Variants in SCAP observed in about 807,000 individuals in gnomAD.
SCAP encodes sterol regulatory element-binding protein cleavage-activating protein.
Under a neutral mutation model 123.6 loss-of-function variants are expected in SCAP, and 65 were observed. The ratio of observed to expected loss-of-function variants is 0.53; its 90% CI spans 0.43 to 0.65. SCAP has a LOEUF of 0.65. Ranked by LOEUF, SCAP falls within the 30% of genes least tolerant of loss-of-function variation. SCAP has a pLI of 0.00. For missense variants in SCAP, 1,398 were observed against 1,712.5 expected (o/e 0.82, Z 3.24); for synonymous variants, 740 against 726.3 (o/e 1.02, Z -0.30).
chr3:47,460,474 T>C (rs1317493363), intron 1 of SCAP, among the ~76,000 whole-genome samples: 3 of 152,246 alleles, frequency 2.0e-5, no homozygotes, highest in Non-Finnish European at 4.4e-5. Context: ...TTTATGTTCC[T>C]CTGCCGCGGC....
intron 18 of SCAP, 48 bp from the exon 19 acceptor site, chr3:47,415,228 C>G: frequency 1.3e-6 from 2 of 1,518,694 alleles, no homozygotes; most frequent in Non-Finnish European, 1.8e-6. Flanking sequence ...AGAGCCCCAG[C>G]CCTGGGGCTG....
At chr3:47,449,027 C>T (rs1389905831) in intron 1 of SCAP, among the ~76,000 whole-genome samples, 1 of 152,220 alleles carries the variant, frequency 6.6e-6, no homozygotes, top group Admixed American at 6.5e-5. Context: ...TTCCTACCCA[C>T]CTTCTGTGGG....
chr3:47,456,244 G>A (rs1291123320), intron 1 of SCAP, among the ~76,000 whole-genome samples: 1 of 151,700 alleles, frequency 6.6e-6, no homozygotes, highest in Non-Finnish European at 1.5e-5. Flanking sequence ...TCTACCAAAA[G>A]TACAAAAATT....
intron 3 of SCAP, among the ~76,000 whole-genome samples, chr3:47,432,714 A>G (rs1706416648): frequency 6.6e-6 from 1 of 152,004 alleles, no homozygotes; most frequent in African/African-American, 2.4e-5. Flanking sequence ...GTCTCACTCT[A>G]TTGCCCCAGC....
chr3:47,414,802 A>T (rs1011588049), intron 20 of SCAP, 25 bp downstream of exon 20: 7 of 1,598,436 alleles, frequency 4.4e-6, no homozygotes, highest in Non-Finnish European at 5.1e-6. Context: ...CCACTCCAGC[A>T]CCCAAGAGAC....
intron 1 of SCAP, among the ~76,000 whole-genome samples, chr3:47,462,010 G>C (rs943777012): frequency 1.1e-4 from 16 of 151,988 alleles, no homozygotes; most frequent in Non-Finnish European, 1.8e-4. Flanking sequence ...CTCCAGCCTG[G>C]GCGACAGAGT....
At position 47,449,477 on chromosome 3, in the gene SCAP, T is replaced by A. The variant is rs1240101229; in HGVS notation, c.-98-6386A>T. Reference sequence around the variant, plus strand: ...ACCACAGTCCCTTTAAATAGAAGACTTCCTCTCCTATCCATTTGCCAATGT... The same window carrying A: ...ACCACAGTCCCTTTAAATAGAAGACATCCTCTCCTATCCATTTGCCAATGT... On this transcript the variant is annotated intron_variant, in intron 1 of 22. Coordinates refer to ENST00000265565, the MANE Select transcript of SCAP (RefSeq NM_012235.4). Among the ~76,000 whole-genome samples, 6 of 124,416 alleles carry A rather than the reference T, an allele frequency of 4.8e-5. 1 individual carries two copies. 81.6% of individuals were successfully genotyped at this position (124,416 alleles called of 152,430 possible). A position where few individuals can be genotyped will look rare whatever the true frequency, so the allele number is the denominator to read the frequency against.
At chr3:47,456,960 G>A (rs564106203) in intron 1 of SCAP, among the ~76,000 whole-genome samples, 10 of 152,272 alleles carry the variant, frequency 6.6e-5, no homozygotes, top group African/African-American at 1.9e-4. Flanking sequence ...GCTGAGGCGG[G>A]TGGATCACCT....
At chr3:47,468,713 CTTTAG>C (rs1285325424) in intron 1 of SCAP, among the ~76,000 whole-genome samples, 2 of 152,108 alleles carry the variant, frequency 1.3e-5, no homozygotes, top group Non-Finnish European at 2.9e-5. Flanking sequence ...TGTAGAAGCT[CTTTAG>C]TTTAATTAGA....
Position 47,418,652 on chromosome 3 carries a change from T to C in SCAP, c.2129+3A>G. Reference sequence around the variant, plus strand: ...CCCACCCCACCCCACCCAGCAGCCTTACTTGTACAGCGTGACGTCTCCATG... The same window carrying C: ...CCCACCCCACCCCACCCAGCAGCCTCACTTGTACAGCGTGACGTCTCCATG... On this transcript the variant is annotated splice_donor_region_variant and intron_variant, in intron 14 of 22. Coordinates refer to ENST00000265565, the MANE Select transcript of SCAP (RefSeq NM_012235.4). 9.3e-7 allele frequency: 1 copy of C among 1,071,812 alleles called. No individual in the cohort carries two copies. The highest frequency in any genetic ancestry group is 4.7e-5 in the East Asian group (1 of 21,216). 66.4% of individuals were successfully genotyped at this position (1,071,812 alleles called of 1,614,324 possible).
chr3:47,416,129 C>A (rs1705559427), intron 18 of SCAP, among the ~76,000 whole-genome samples: 1 of 152,226 alleles, frequency 6.6e-6, no homozygotes, highest in South Asian at 2.1e-4. Context: ...GACTCCAGCT[C>A]TAGGTCAGAT....
Position 47,414,829 on chromosome 3 carries a change from T to C in SCAP, c.3304A>G (p.Arg1102Gly). ...LVTGSQDHTL[R>G]VFRLEDSCCL... ...CCAAGAGACAAGACAATACTCACTCTCAGTGTGTGGTCTTGGCTCCCAGTC... is the reference window on the plus strand; with the variant it reads ...CCAAGAGACAAGACAATACTCACTCCCAGTGTGTGGTCTTGGCTCCCAGTC... The change falls in exon 20 of 23, where the codon AGA becomes GGA. Residue 1102 changes from arginine to glycine, a missense_variant and splice_region_variant. Coordinates refer to ENST00000265565, the MANE Select transcript of SCAP (RefSeq NM_012235.4). The C allele has an allele frequency of 6.2e-7, 1 of 1,605,226 alleles. No homozygotes were observed. Among genetic ancestry groups the C allele is most frequent in the Non-Finnish European group, 8.5e-7 (1 of 1,176,122 alleles).
At chr3:47,461,800 G>C (rs1471905606) in intron 1 of SCAP, among the ~76,000 whole-genome samples, 2 of 152,164 alleles carry the variant, frequency 1.3e-5, no homozygotes, top group Non-Finnish European at 2.9e-5. Flanking sequence ...CTCGGAGGCC[G>C]AGGCAAACAG....
At position 47,417,689 on chromosome 3, in the gene SCAP, G is replaced by A. The variant is rs750516026; in HGVS notation, c.2585C>T (p.Pro862Leu). The A allele has an allele frequency of 3.4e-5, 55 of 1,608,090 alleles. No homozygotes were observed. The highest frequency in any genetic ancestry group is 1.7e-4 in the Middle Eastern group (1 of 6,030). ...CTGGTCCCCGAAGAGGGAAGGCGGC[G>A]GAGGGCCCCGGGGGCGGTGTCTCAG... ...PPLRHRPRGP[P>L]PPSLFGDQPD... The change falls in exon 17 of 23, where the codon CCG (proline) becomes CTG (leucine). Residue 862 changes from proline (P) to leucine (L), a missense_variant. Physicochemically the swap from Pro to Leu is moderately conservative, Grantham distance 98. Around this residue, in one of 7 missense-constraint regions of SCAP, gnomAD observed 828 missense variants for 882.5 expected, o/e 0.94. Transcript: ENST00000265565.
intron 1 of SCAP, among the ~76,000 whole-genome samples, chr3:47,467,768 C>T (rs1472192384): frequency 2.0e-5 from 3 of 152,124 alleles, no homozygotes; most frequent in Non-Finnish European, 4.4e-5. Context: ...GGTACATGTG[C>T]ACAACATACA....
chr3:47,435,775 G>A (rs774892089), intron 2 of SCAP, among the ~76,000 whole-genome samples: 100 of 152,128 alleles, frequency 6.6e-4, no homozygotes, highest in African/African-American at 6.8e-4. Flanking sequence ...CAGGCTGGGC[G>A]CAGTGGGTTA....
At chr3:47,469,425 G>A (rs984467212) in intron 1 of SCAP, among the ~76,000 whole-genome samples, 5 of 152,118 alleles carry the variant, frequency 3.3e-5, no homozygotes, top group African/African-American at 9.7e-5. Context: ...GCTGTGACAC[G>A]ATCCTGGCTC....
intron 10 of SCAP, chr3:47,421,291 G>A (rs894866164): frequency 1.9e-5 from 9 of 463,064 alleles, no homozygotes; most frequent in South Asian, 1.2e-4. Context: ...TGAATCTTCC[G>A]GTCCCTCTAG....
chr3:47,466,460 AAAG>A (rs772099957), intron 1 of SCAP, among the ~76,000 whole-genome samples: 8 of 152,312 alleles, frequency 5.3e-5, no homozygotes, highest in South Asian at 4.1e-4. Flanking sequence ...GAAAAAAAGA[AAAG>A]AAGAAGAAAA....
Sources: gnomAD v4.1 joint callset for allele counts (sites outside exome capture counted in the v4.1 genomes callset) on GRCh38, gnomAD v4.1.1 for gene constraint, gnomAD v4.1.1 regional missense constraint, MANE v1.5 for transcripts, NCBI Gene and HGNC (gene_info 2026-07-23, HGNC 2026-07-21) for gene names.